The following RASGEF1C variants were observed in gnomAD, a reference collection of about 807,000 sequenced individuals.
The protein encoded by RASGEF1C is ras-GEF domain-containing family member 1C.
RASGEF1C carries 27 observed loss-of-function variants against 58.1 expected under a neutral mutation model. The ratio of observed to expected loss-of-function variants is 0.46; its 90% CI spans 0.34 to 0.64. The LOEUF is 0.64. Among genes scored for constraint, RASGEF1C ranks in the 30% least tolerant of loss-of-function variants. The pLI, the probability that RASGEF1C is intolerant of heterozygous loss-of-function variation, is 0.01. For missense variants in RASGEF1C, 502 were observed against 605.1 expected (o/e 0.83, Z 1.79); for synonymous variants, 243 against 246.3 (o/e 0.99, Z 0.13).
chr5:180,101,922 C>T, intron 13 of RASGEF1C, 149 bp downstream of exon 13: 1 of 648,722 alleles, frequency 1.5e-6, no homozygotes, highest in Non-Finnish European at 2.7e-6. Context: ...GCTGAGGCTC[C>T]CAGGAGGCTG....
chr5:180,191,602 C>T (rs1038467420), intron 1 of RASGEF1C, among the ~76,000 whole-genome samples: 2 of 151,886 alleles, frequency 1.3e-5, no homozygotes, highest in South Asian at 2.1e-4. Flanking sequence ...GTGATCCGCC[C>T]GCCTCAGCCT....
chr5:180,119,287 A>T, intron 8 of RASGEF1C, 59 bp downstream of exon 8: 1 of 1,406,284 alleles, frequency 7.1e-7, no homozygotes, highest in Non-Finnish European at 1.0e-6. Flanking sequence ...GGCTGCACCC[A>T]CTCCGGCCTC....
At chr5:180,180,281 T>C (rs1767303349) in intron 1 of RASGEF1C, among the ~76,000 whole-genome samples, 1 of 152,174 alleles carries the variant, frequency 6.6e-6, no homozygotes, top group Admixed American at 6.5e-5. Context: ...GCTGTGCACA[T>C]GCAGGCTGGT....
At chr5:180,130,360 T>A (rs980678163) in intron 4 of RASGEF1C, among the ~76,000 whole-genome samples, 2 of 152,150 alleles carry the variant, frequency 1.3e-5, no homozygotes, top group Non-Finnish European at 2.9e-5. Flanking sequence ...GCACACTGCC[T>A]CCCAGGGCTT....
At chr5:180,174,491 C>CGCGCGT (rs1554114713) in intron 1 of RASGEF1C, among the ~76,000 whole-genome samples, 34 of 143,766 alleles carry the variant, frequency 2.4e-4, no homozygotes, top group African/African-American at 3.5e-4. Flanking sequence ...TGTGTGTGCG[C>CGCGCGT]GTGTGTGTCT....
rs531647910 is a variant in RASGEF1C at position 180,184,532 on chromosome 5, G to A, written c.-7+24496C>T. ...GTGGAGGTTGCAGTGAGACGGGATCGTGCCACTGCACTCCAGCCTGAGTGA... is the reference window on the plus strand; with the variant it reads ...GTGGAGGTTGCAGTGAGACGGGATCATGCCACTGCACTCCAGCCTGAGTGA... On this transcript the variant is annotated intron_variant, in intron 1 of 13. Coordinates refer to ENST00000361132, the MANE Select transcript of RASGEF1C (RefSeq NM_175062.4). Among the ~76,000 whole-genome samples, 40 of 152,218 alleles carry A rather than the reference G, an allele frequency of 2.6e-4. No homozygotes were observed. In the South Asian group the frequency reaches 2.7e-3, roughly 10 times the overall value.
rs186337244 is a variant in RASGEF1C at position 180,121,572 on chromosome 5, A to C, written c.715-423T>G. ...TCGTGATCCGCCCACCTCGGCCTCCAAAAGTGCTGGGATTACAGGCGTGAG... is the reference window on the plus strand; with the variant it reads ...TCGTGATCCGCCCACCTCGGCCTCCCAAAGTGCTGGGATTACAGGCGTGAG... On this transcript the variant is annotated intron_variant, in intron 6 of 13. Transcript: ENST00000361132. Among the ~76,000 whole-genome samples, 51 of 151,990 alleles carry C rather than the reference A, an allele frequency of 3.4e-4. No individual in the cohort carries two copies. In the East Asian group the frequency reaches 7.5e-3, roughly 22 times the overall value.
chr5:180,121,344 C>G (rs1373135670), intron 6 of RASGEF1C, among the ~76,000 whole-genome samples, 195 bp from the exon 7 acceptor site: 1 of 150,780 alleles, frequency 6.6e-6, no homozygotes, highest in Non-Finnish European at 1.5e-5. Flanking sequence ...GACGGAGTCC[C>G]GCTCTGTCGC....
At chr5:180,199,293 A>G (rs1756337160) in intron 1 of RASGEF1C, among the ~76,000 whole-genome samples, 6 of 152,238 alleles carry the variant, frequency 3.9e-5, no homozygotes, top group Admixed American at 3.3e-4. Context: ...TACAGGAACG[A>G]CAAAAAGCAT....
intron 12 of RASGEF1C, among the ~76,000 whole-genome samples, chr5:180,104,858 G>C (rs1034571225): frequency 6.6e-6 from 1 of 152,168 alleles, no homozygotes; most frequent in African/African-American, 2.4e-5. Context: ...AAATTCGTGT[G>C]TGTGGAGTTG....
intron 1 of RASGEF1C, among the ~76,000 whole-genome samples, chr5:180,149,404 G>T (rs1766711379): frequency 6.7e-6 from 1 of 150,372 alleles, no homozygotes; most frequent in Non-Finnish European, 1.5e-5. Context: ...GGCCTCTAAG[G>T]TTTCCGTGGG....
chr5:180,201,641 T>C (rs1756397248), intron 1 of RASGEF1C, among the ~76,000 whole-genome samples: 1 of 152,164 alleles, frequency 6.6e-6, no homozygotes, highest in Admixed American at 6.5e-5. Flanking sequence ...CACCTCAACT[T>C]GAATTACCTA....
intron 12 of RASGEF1C, among the ~76,000 whole-genome samples, chr5:180,108,520 C>G (rs1253706340): frequency 6.6e-6 from 1 of 152,092 alleles, no homozygotes; most frequent in African/African-American, 2.4e-5. Flanking sequence ...TATTTTCTCC[C>G]TGTTGTTCAG....
At chr5:180,165,750 CTTTT>C (rs372734323) in intron 1 of RASGEF1C, among the ~76,000 whole-genome samples, 1 of 107,370 alleles carries the variant, frequency 9.3e-6, no homozygotes. Flanking sequence ...TTAATTTTTC[CTTTT>C]TTTTTTTTTT....
intron 1 of RASGEF1C, among the ~76,000 whole-genome samples, chr5:180,160,528 C>T (rs573107634): frequency 1.6e-3 from 237 of 152,334 alleles, no homozygotes; most frequent in Middle Eastern, 3.4e-3. Context: ...CCGAACTGCA[C>T]GCACCCATTT....
At chr5:180,194,273 G>C (rs79305325) in intron 1 of RASGEF1C, among the ~76,000 whole-genome samples, 5 of 152,210 alleles carry the variant, frequency 3.3e-5, no homozygotes, top group African/African-American at 1.2e-4. Context: ...ATCTGTCAAC[G>C]GCTCTGCTCC....
At chr5:180,106,809 C>A (rs781253445) in intron 12 of RASGEF1C, among the ~76,000 whole-genome samples, 12 of 152,142 alleles carry the variant, frequency 7.9e-5, no homozygotes, top group Admixed American at 3.9e-4. Flanking sequence ...TTGTTGAGTT[C>A]TTTGTCTTTG....
At chr5:180,174,515 C>T (rs534237824) in intron 1 of RASGEF1C, among the ~76,000 whole-genome samples, 247 of 145,000 alleles carry the variant, frequency 1.7e-3, no homozygotes, top group Non-Finnish European at 3.2e-3. Context: ...TGTGCGTGCG[C>T]GTACACACGT....
chr5:180,120,594 C>A (rs1766151032), intron 7 of RASGEF1C, among the ~76,000 whole-genome samples: 1 of 152,206 alleles, frequency 6.6e-6, no homozygotes, highest in African/African-American at 2.4e-5. Context: ...CAGGGACAAG[C>A]ACGTCTGGCT....
Sources: allele counts gnomAD v4.1 joint callset (sites outside exome capture counted in the v4.1 genomes callset), GRCh38; gene constraint gnomAD v4.1.1; transcripts MANE v1.5; gene names NCBI Gene and HGNC (gene_info 2026-07-23, HGNC 2026-07-21).